The following CREBZF variants were observed in gnomAD, a reference collection of about 807,000 sequenced individuals.
The protein encoded by CREBZF is HCF-binding transcription factor Zhangfei.
CREBZF carries 8 observed loss-of-function variants against 21.1 expected under a neutral mutation model. That is an observed-to-expected ratio of 0.38 (90% CI 0.22 to 0.68). CREBZF has a LOEUF of 0.68. CREBZF is among the 30% of genes least tolerant of loss of function. The probability of loss-of-function intolerance (pLI) is 0.51; values close to 1 mark genes in which losing one functional copy is unlikely to be tolerated. For synonymous variants in CREBZF, 270 were observed against 223.3 expected (o/e 1.21, Z -1.86); for missense variants, 518 against 484.3 (o/e 1.07, Z -0.65).
At chr11:85,669,733 A>T (rs1446129854), upstream of CREBZF, among the ~76,000 whole-genome samples, 1 of 152,240 alleles carries the variant, frequency 6.6e-6, no homozygotes, top group Non-Finnish European at 1.5e-5. Flanking sequence ...CAGAGTGGGT[A>T]AGAAGAGAAA....
Position 85,662,289 on chromosome 11 carries a change from CT to C in CREBZF, c.*1521del, listed in dbSNP as rs1382566861. ...ATTTTATGTGTAAGATAACTTACAT[CT>C]TTGGACTGCTGGAAAATACTTTTTA... On this transcript the variant is annotated 3_prime_UTR_variant, in exon 1 of 1. Transcript: ENST00000527447. 4.6e-6 allele frequency: 3 copies of C among 645,940 alleles called. No individual in the cohort carries two copies. Among genetic ancestry groups the C allele is most frequent in the Non-Finnish European group, 8.6e-6 (3 of 347,632 alleles). The allele number at this position is 645,940 out of a possible 1,614,324, so 40.0% of individuals were successfully genotyped here.
intron 1 of CREBZF, among the ~76,000 whole-genome samples, chr11:85,681,393 T>A (rs1473167342): frequency 6.6e-6 from 1 of 152,212 alleles, no homozygotes; most frequent in Non-Finnish European, 1.5e-5. Context: ...TATTAATATT[T>A]TGTTTACTAG....
rs1178979017 is a variant in CREBZF at position 85,670,300 on chromosome 11, C to CTT, written n.148-6701_148-6700dup. 5.1e-3 allele frequency among the ~76,000 whole-genome samples: 200 copies of CTT among 39,212 alleles called. 1 individual carries two copies. Among genetic ancestry groups the CTT allele is most frequent in the African/African-American group, 0.012 (92 of 7,976 alleles). The allele number at this position is 39,212 out of a possible 152,430, so 25.7% of individuals were successfully genotyped here. A position where few individuals can be genotyped will look rare whatever the true frequency, so the allele number is the denominator to read the frequency against. On this transcript the variant is annotated intron_variant and non_coding_transcript_variant, in intron 1 of 3. Coordinates refer to the CREBZF transcript ENST00000531515. ...CCCCCCCACAATAAGATCTCAAGTT[C>CTT]TTTTTTTTTTTTTTTTTTTTTTGAG...
At chr11:85,682,729 C>CA in exon 1 of CREBZF, 3 of 695,238 alleles carry the variant, frequency 4.3e-6, no homozygotes, top group Non-Finnish European at 7.9e-6. Context: ...AAACGGCCCT[C>CA]AGCCCGCTTC....
At chr11:85,679,328 G>A (rs1420511701) in intron 1 of CREBZF, among the ~76,000 whole-genome samples, 1 of 152,174 alleles carries the variant, frequency 6.6e-6, no homozygotes, top group African/African-American at 2.4e-5. Flanking sequence ...TCATCCAGAA[G>A]GATGCAAAGT....
chr11:85,678,285 G>T (rs2082954425), intron 1 of CREBZF, among the ~76,000 whole-genome samples: 1 of 152,174 alleles, frequency 6.6e-6, no homozygotes, highest in African/African-American at 2.4e-5. Flanking sequence ...TGGGAGGCAA[G>T]AAACAGGCCC....
intron 1 of CREBZF, among the ~76,000 whole-genome samples, chr11:85,672,252 G>A (rs972088676): frequency 6.6e-6 from 1 of 152,234 alleles, no homozygotes. Flanking sequence ...CACACAGCAC[G>A]GGGCCCTGGG....
rs113731424 is a variant in CREBZF at position 85,658,648 on chromosome 11, TAAA to T, written c.*5160_*5162del. The stretch of plus-strand genomic sequence containing the variant: ...ATTTACTTTGTGTAGTTATTTGGCT[TAAA>T]AAAAAAAAAAGAGGGCTCACATTCT... On this transcript the variant is annotated 3_prime_UTR_variant, in exon 1 of 1. Coordinates refer to ENST00000527447, the MANE Select transcript of CREBZF (RefSeq NM_001039618.4). Among the ~76,000 whole-genome samples the T allele has an allele frequency of 1.4e-5, 2 of 143,534 alleles. No individual in the cohort carries two copies. Among genetic ancestry groups the T allele is most frequent in the East Asian group, 2.0e-4 (1 of 5,070 alleles). 94.2% of individuals were successfully genotyped at this position (143,534 alleles called of 152,430 possible).
In CREBZF at chr11:85,679,683, T is replaced by C. The variant is rs563519850; in HGVS notation, n.147+3034A>G. ...ACCTCTAGGAGAGAAATACTAATCA[T>C]TGGGAGGCATTCTTTAGGGACGAAA... On this transcript the variant is annotated intron_variant and non_coding_transcript_variant, in intron 1 of 3. Transcript: ENST00000531515. Among the ~76,000 whole-genome samples the C allele has an allele frequency of 3.2e-4, 49 of 152,290 alleles. 1 individual carries two copies. The highest frequency in any genetic ancestry group is 2.4e-3 in the Admixed American group (37 of 15,308).
intron 1 of CREBZF, among the ~76,000 whole-genome samples, chr11:85,678,048 T>C (rs530624251): frequency 6.6e-6 from 1 of 152,338 alleles, no homozygotes; most frequent in Non-Finnish European, 1.5e-5. Flanking sequence ...TATCATGATA[T>C]TCAGTGTTTC....
rs1433632019 is a variant in CREBZF at position 85,665,116 on chromosome 11, C to G, written c.-241G>C. 1 of 415,592 alleles carries G rather than the reference C, an allele frequency of 2.4e-6. No homozygotes were observed. The highest frequency in any genetic ancestry group is 4.4e-6 in the Non-Finnish European group (1 of 228,396). The allele number at this position is 415,592 out of a possible 1,614,324, so 25.7% of individuals were successfully genotyped here. On this transcript the variant is annotated 5_prime_UTR_variant, in exon 1 of 1. Coordinates refer to ENST00000527447, the MANE Select transcript of CREBZF (RefSeq NM_001039618.4). Reference sequence around the variant, plus strand: ...CTCGACCGCGCCACCCAGACAACGGCGTAGCCGGAAGTCAGTGGTTTTCGC... The same window carrying G: ...CTCGACCGCGCCACCCAGACAACGGGGTAGCCGGAAGTCAGTGGTTTTCGC...
Position 85,665,070 on chromosome 11 carries a change from A to G in CREBZF, c.-195T>C. The G allele has an allele frequency of 2.3e-6, 1 of 439,394 alleles. No homozygotes were observed. Among genetic ancestry groups the G allele is most frequent in the Non-Finnish European group, 4.1e-6 (1 of 244,740 alleles). 27.2% of individuals were successfully genotyped at this position (439,394 alleles called of 1,614,324 possible). A position where few individuals can be genotyped will look rare whatever the true frequency, so the allele number is the denominator to read the frequency against. On this transcript the variant is annotated 5_prime_UTR_variant, in exon 1 of 1. Transcript: ENST00000527447. ...GGCGCGGGGAGGGACGGGAGAACGA[A>G]GCGGTGAGGCCCTGCGATGACTCGA...
chr11:85,672,009 C>G (rs2082914863), intron 1 of CREBZF, among the ~76,000 whole-genome samples: 1 of 152,270 alleles, frequency 6.6e-6, no homozygotes, highest in African/African-American at 2.4e-5. Flanking sequence ...GAGCCCCGCT[C>G]CTGCAGCAAA....
In CREBZF at chr11:85,664,971, C is replaced by T; in HGVS notation, c.-96G>A. 4.8e-6 allele frequency: 4 copies of T among 833,216 alleles called. No homozygotes were observed. Among genetic ancestry groups the T allele is most frequent in the Non-Finnish European group, 6.7e-6 (4 of 594,448 alleles). 51.6% of individuals were successfully genotyped at this position (833,216 alleles called of 1,614,324 possible). A position where few individuals can be genotyped will look rare whatever the true frequency, so the allele number is the denominator to read the frequency against. On this transcript the variant is annotated 5_prime_UTR_variant, in exon 1 of 1. It adds an upstream start codon to the 5' untranslated region. Coordinates refer to ENST00000527447, the MANE Select transcript of CREBZF (RefSeq NM_001039618.4). The surrounding 1 kb of genome is among the most constrained non-coding windows in gnomAD (Gnocchi z 5.5). ...GCCCCAGGGCGGGTAGCCCCCGGCA[C>T]TGGCCGAAACGAAATGCAGGGAAAG...
At chr11:85,669,438 A>T (rs1591488429), upstream of CREBZF, among the ~76,000 whole-genome samples, 5 of 146,102 alleles carry the variant, frequency 3.4e-5, no homozygotes, top group Admixed American at 1.4e-4. Context: ...ACACACACAC[A>T]CTCACACACA....
Position 85,663,882 on chromosome 11 carries a change from C to A in CREBZF, c.994G>T (p.Asp332Tyr). The change falls in exon 1 of 1, where the codon GAC becomes TAC. Residue 332 changes from aspartate (D) to tyrosine (Y), a missense_variant. Coordinates refer to ENST00000527447, the MANE Select transcript of CREBZF (RefSeq NM_001039618.4). ...AACTCCACCGACACCTTATCCTTGT[C>A]CACATGGAGACAGACTCCTCCCGCC... ...DSAGGVCLHV[D>Y]KDKVSVEFCS... is the part of the protein sequence containing the mutation. 2 of 1,612,458 alleles carry A rather than the reference C, an allele frequency of 1.2e-6. No individual in the cohort carries two copies. Among genetic ancestry groups the A allele is most frequent in the Non-Finnish European group, 1.7e-6 (2 of 1,179,968 alleles).
chr11:85,668,818 C>A (rs982241319), upstream of CREBZF, among the ~76,000 whole-genome samples: 2 of 150,506 alleles, frequency 1.3e-5, no homozygotes, highest in Non-Finnish European at 3.0e-5. Flanking sequence ...CTGGCTAACA[C>A]GGTGAAACCC....
rs1451531590 is a variant in CREBZF at position 85,662,644 on chromosome 11, G to C, written c.*1167C>G. 2.3e-6 allele frequency: 1 copy of C among 436,370 alleles called. No individual in the cohort carries two copies. Among genetic ancestry groups the C allele is most frequent in the Non-Finnish European group, 4.1e-6 (1 of 244,490 alleles). The allele number at this position is 436,370 out of a possible 1,614,324, so 27.0% of individuals were successfully genotyped here. On this transcript the variant is annotated 3_prime_UTR_variant, in exon 1 of 1. Transcript: ENST00000527447. ...ATAGTACCAATCGTGTCATTTAAGT[G>C]GCCAGAACCACTCAATTTAAAAAAT...
chr11:85,681,715 GTGT>G (rs1170438227), intron 1 of CREBZF, among the ~76,000 whole-genome samples: 1 of 152,232 alleles, frequency 6.6e-6, no homozygotes, highest in Admixed American at 6.5e-5. Context: ...TTAGAAAACA[GTGT>G]TGTTGTTTAA....
Sources: allele counts gnomAD v4.1 joint callset (sites outside exome capture counted in the v4.1 genomes callset), GRCh38; gene constraint gnomAD v4.1.1; non-coding constraint Gnocchi (gnomAD v3.1); transcripts MANE v1.5; gene names NCBI Gene and HGNC (gene_info 2026-07-23, HGNC 2026-07-21).